The following SYNJ1 variants were observed in gnomAD, a reference collection of about 807,000 sequenced individuals.
SYNJ1 encodes synaptojanin 1, also known as polyphosphatidylinositol phosphatase SYNJ1.
Under a neutral mutation model 168.2 loss-of-function variants are expected in SYNJ1, and 78 were observed. That is an observed-to-expected ratio of 0.46 (90% CI 0.39 to 0.56). The LOEUF is 0.56. Ranked by LOEUF, SYNJ1 falls within the 20% of genes least tolerant of loss-of-function variation. The pLI is 0.00. For synonymous variants in SYNJ1, 539 were observed against 548.6 expected (o/e 0.98, Z 0.24); for missense variants, 1,303 against 1,597.6 (o/e 0.82, Z 3.14).
chr21:32,670,517 T>G, intron 14 of SYNJ1, 145 bp from the exon 15 acceptor site: 1 of 673,538 alleles, frequency 1.5e-6, no homozygotes, highest in Non-Finnish European at 2.4e-6. Flanking sequence ...CAAACACTCT[T>G]GAGTGGAATG....
chr21:32,672,619 C>T (rs567791291), intron 14 of SYNJ1, among the ~76,000 whole-genome samples: 12 of 152,178 alleles, frequency 7.9e-5, no homozygotes, highest in Non-Finnish European at 1.3e-4. Flanking sequence ...GGATTACAGG[C>T]GTGAGCCACC....
At chr21:32,719,271 G>C (rs370905880) in intron 2 of SYNJ1, among the ~76,000 whole-genome samples, 1 of 152,242 alleles carries the variant, frequency 6.6e-6, no homozygotes, top group Non-Finnish European at 1.5e-5. Context: ...AGGTGCTTGA[G>C]TTGTCATATT....
chr21:32,655,813 T>C (rs1421218781), intron 21 of SYNJ1, among the ~76,000 whole-genome samples: 1 of 152,176 alleles, frequency 6.6e-6, no homozygotes, highest in Non-Finnish European at 1.5e-5. Context: ...AACTGCTGTA[T>C]AGTTGGAAGA....
At chr21:32,643,325 C>T (rs970807896) in intron 27 of SYNJ1, 85 bp downstream of exon 27, 152 of 1,396,972 alleles carry the variant, frequency 1.1e-4, no homozygotes, top group Non-Finnish European at 6.9e-5. Flanking sequence ...AGTATGCCTG[C>T]AAACACTGCG....
chr21:32,657,654 C>A, intron 19 of SYNJ1, 62 bp downstream of exon 19: 4 of 1,447,998 alleles, frequency 2.8e-6, no homozygotes, highest in Non-Finnish European at 3.7e-6. Context: ...GATATTATGT[C>A]ATTCCCTGCT....
In SYNJ1 at chr21:32,726,873, C is replaced by T. The variant is rs1329447843; in HGVS notation, c.23G>A (p.Arg8Gln). 1.2e-6 allele frequency: 2 copies of T among 1,613,946 alleles called. No individual in the cohort carries two copies. Among genetic ancestry groups the T allele is most frequent in the East Asian group, 2.2e-5 (1 of 44,878 alleles). Residue 8 changes from arginine to glutamine, a missense_variant, in exon 2 of 33, where the codon CGG (arginine) becomes CAG (glutamine). By Grantham distance (43) the Arg-to-Gln change is conservative (BLOSUM62 1). Transcript: ENST00000674351. MAFSKGF[R>Q]IYHKLDPPPF... ...TGGGGGATCCAATTTGTGATAGATC[C>T]GGAATCCTTTACTGAACGCCATTCT...
intron 4 of SYNJ1, among the ~76,000 whole-genome samples, chr21:32,697,308 A>G (rs1369082478): frequency 6.6e-6 from 1 of 152,196 alleles, no homozygotes; most frequent in East Asian, 1.9e-4. Flanking sequence ...GGTATGCACA[A>G]TGAATTCCAA....
intron 15 of SYNJ1, among the ~76,000 whole-genome samples, chr21:32,667,966 A>G (rs2041009985): frequency 6.6e-6 from 1 of 151,982 alleles, no homozygotes; most frequent in African/African-American, 2.4e-5. Flanking sequence ...TACTGCTTAA[A>G]TAAATGAATA....
chr21:32,684,199 A>G (rs945935754), intron 9 of SYNJ1, 80 bp from the exon 10 acceptor site: 20 of 1,351,438 alleles, frequency 1.5e-5, no homozygotes, highest in Non-Finnish European at 1.8e-5. Context: ...GGTAATTAAA[A>G]TGTAGCATCC....
At chr21:32,679,920 G>A (rs999419971) in intron 11 of SYNJ1, among the ~76,000 whole-genome samples, 2 of 151,856 alleles carry the variant, frequency 1.3e-5, no homozygotes, top group African/African-American at 4.8e-5. Context: ...CATATTTAAT[G>A]TATAAAATTT....
Position 32,673,390 on chromosome 21 carries a change from G to C in SYNJ1, c.1676C>G (p.Thr559Ser). Residue 559 changes from threonine to serine, a missense_variant, in exon 14 of 33, where the codon ACT (threonine) becomes AGT (serine). By Grantham distance (58) the Thr-to-Ser change is moderately conservative (BLOSUM62 1). Coordinates refer to ENST00000674351, the MANE Select transcript of SYNJ1 (RefSeq NM_203446.3). Reference protein sequence around the residue: ...RSIAFKNQTLTDWLLDAPKLA... With the variant: ...RSIAFKNQTLSDWLLDAPKLA... ...CTTGGGTGCATCAAGAAGCCAGTCA[G>C]TGAGTGTCTGATTCTTAAAAGCTAT... is the stretch of plus-strand genomic sequence containing the variant. 1 of 1,613,606 alleles carries C rather than the reference G, an allele frequency of 6.2e-7. No homozygotes were observed. The highest frequency in any genetic ancestry group is 8.5e-7 in the Non-Finnish European group (1 of 1,179,790).
At chr21:32,715,473 C>CAAA (rs879789278) in intron 2 of SYNJ1, among the ~76,000 whole-genome samples, 3 of 118,204 alleles carry the variant, frequency 2.5e-5, no homozygotes, top group African/African-American at 9.6e-5. Context: ...GACTCTGTCT[C>CAAA]AAAAAAAAAA....
In SYNJ1 at chr21:32,631,907, T is replaced by C. The variant is rs1449686498; in HGVS notation, c.*4-106A>G. On this transcript the variant is annotated intron_variant, in intron 32 of 32. Coordinates refer to ENST00000674351, the MANE Select transcript of SYNJ1 (RefSeq NM_203446.3). ...CCCTTTTAGGGGCAAGCATGTAAATTTAGAAACTAAAAAGTAGCTTTGTGT... is the reference window on the plus strand; with the variant it reads ...CCCTTTTAGGGGCAAGCATGTAAATCTAGAAACTAAAAAGTAGCTTTGTGT... The C allele has an allele frequency of 4.7e-6, 5 of 1,074,622 alleles. No homozygotes were observed. In the Admixed American group the frequency reaches 1.5e-4, roughly 31 times the overall value. 66.6% of individuals were successfully genotyped at this position (1,074,622 alleles called of 1,614,324 possible).
chr21:32,655,757 A>G lies in SYNJ1; in HGVS notation c.2795+930T>C, dbSNP rs116017460. On this transcript the variant is annotated intron_variant, in intron 21 of 32. Transcript: ENST00000674351. Reference sequence around the variant, plus strand: ...GGGATTTAATGGTACCTCTTTCCCTATGAAATCCAAACACATGCACACATG... The same window carrying G: ...GGGATTTAATGGTACCTCTTTCCCTGTGAAATCCAAACACATGCACACATG... Among the ~76,000 whole-genome samples the G allele has an allele frequency of 5.9e-3, 893 of 152,340 alleles. 8 individuals carry two copies. The highest frequency in any genetic ancestry group is 0.017 in the South Asian group (82 of 4,824).
Position 32,641,968 on chromosome 21 carries a change from T to C in SYNJ1, c.3518-2A>G. 6.2e-7 allele frequency: 1 copy of C among 1,613,950 alleles called. No homozygotes were observed. Among genetic ancestry groups the C allele is most frequent in the Non-Finnish European group, 8.5e-7 (1 of 1,179,944 alleles). On this transcript the variant is annotated splice_acceptor_variant, in intron 28 of 32. Transcript: ENST00000674351. LOFTEE classifies it high-confidence loss of function. ...CTTGAGGTGAAGGCTGACTGCGTCC[T>C]GGAACAAAGACATCATATCATATAT...
chr21:32,657,838 A>G lies in SYNJ1; in HGVS notation c.2339T>C (p.Phe780Ser). ...CAAGTCATACTTATATGTCGGAGCAAAGGTTACCTTTCCTTCTAAAAATCC... is the reference window on the plus strand; with the variant it reads ...CAAGTCATACTTATATGTCGGAGCAGAGGTTACCTTTCCTTCTAAAAATCC... The part of the protein sequence containing the change: ...FRGFLEGKVT[F>S]APTYKYDLFS... The change falls in exon 19 of 33, where the codon TTT becomes TCT. Residue 780 changes from phenylalanine to serine, a missense_variant. This residue lies in a region of SYNJ1 where 920 missense variants were observed against 1,208.8 expected (regional missense o/e 0.76). Transcript: ENST00000674351. The G allele has an allele frequency of 6.2e-7, 1 of 1,612,804 alleles. No homozygotes were observed. The highest frequency in any genetic ancestry group is 8.5e-7 in the Non-Finnish European group (1 of 1,179,728).
chr21:32,635,879 A>T (rs1477154115), intron 31 of SYNJ1, among the ~76,000 whole-genome samples: 2 of 152,142 alleles, frequency 1.3e-5, no homozygotes, highest in Non-Finnish European at 2.9e-5. Flanking sequence ...ATCCCTCTAT[A>T]ATATACCATT....
At chr21:32,648,851 T>C (rs1159756910) in intron 23 of SYNJ1, among the ~76,000 whole-genome samples, 1 of 152,184 alleles carries the variant, frequency 6.6e-6, no homozygotes, top group Non-Finnish European at 1.5e-5. Context: ...CGAAACAAAA[T>C]TCATCTTCCA....
At position 32,643,397 on chromosome 21, in the gene SYNJ1, A is replaced by G; in HGVS notation, c.3478+13T>C. 1 of 1,613,634 alleles carries G rather than the reference A, an allele frequency of 6.2e-7. No homozygotes were observed. Among genetic ancestry groups the G allele is most frequent in the South Asian group, 1.1e-5 (1 of 91,012 alleles). On this transcript the variant is annotated intron_variant, in intron 27 of 32. Coordinates refer to ENST00000674351, the MANE Select transcript of SYNJ1 (RefSeq NM_203446.3). ...ATGAGAGAACCACTTCTATAATGCA[A>G]GAGTCTTGTTACCTTCCATCTCTCT...
Sources: gnomAD v4.1 joint callset for allele counts (sites outside exome capture counted in the v4.1 genomes callset) on GRCh38, gnomAD v4.1.1 for gene constraint, gnomAD v4.1.1 regional missense constraint, MANE v1.5 for transcripts, NCBI Gene and HGNC (gene_info 2026-07-23, HGNC 2026-07-21) for gene names.